SIRPG: variants seen among roughly 807,000 people sequenced by gnomAD.
SIRPG encodes signal regulatory protein gamma.
A neutral mutation model predicts 35.7 loss-of-function variants in SIRPG; 38 were observed. The ratio of observed to expected loss-of-function variants is 1.06; its 90% CI spans 0.82 to 1.40. The LOEUF (loss-of-function observed/expected upper bound fraction) is 1.40. Ranked by LOEUF, SIRPG falls within the 40% of genes most tolerant of loss-of-function variation. The pLI is 0.00. For synonymous variants in SIRPG, 215 were observed against 190.4 expected (o/e 1.13, Z -1.06); for missense variants, 519 against 483.0 (o/e 1.07, Z -0.70).
chr20:1,667,085 C>T, the SIRPG span, among the ~76,000 whole-genome samples: 5 of 152,272 alleles, frequency 3.3e-5, no homozygotes, highest in Admixed American at 6.5e-5. Context: ...TCTGTAGAGA[C>T]AGGGTCTCAC....
At chr20:1,668,169 T>G in the SIRPG span, among the ~76,000 whole-genome samples, 1 of 92,740 alleles carries the variant, frequency 1.1e-5, no homozygotes, top group Non-Finnish European at 2.3e-5. Flanking sequence ...TCTTTTCTTT[T>G]CTTTTCTTTC....
In SIRPG at chr20:1,652,052, C is replaced by G. The variant is rs150931095; in HGVS notation, c.74-2644G>C. Among the ~76,000 whole-genome samples, 4 of 152,326 alleles carry G rather than the reference C, an allele frequency of 2.6e-5. No individual in the cohort carries two copies. The East Asian group carries it at 7.7e-4, about 29-fold the overall frequency. On this transcript the variant is annotated intron_variant, in intron 1 of 5. Coordinates refer to ENST00000303415, the MANE Select transcript of SIRPG (RefSeq NM_018556.4). Reference sequence around the variant, plus strand: ...TTTCAAACAAACAAAAATACCTCTTCTCTCTAGAGACTTTGGCAATGATTT... The same window carrying G: ...TTTCAAACAAACAAAAATACCTCTTGTCTCTAGAGACTTTGGCAATGATTT...
chr20:1,676,052 G>C, the SIRPG span, among the ~76,000 whole-genome samples: 18 of 152,266 alleles, frequency 1.2e-4, no homozygotes, highest in African/African-American at 4.1e-4. Context: ...ACTTCACTAG[G>C]AAGTAGCAGA....
chr20:1,664,782 C>G, the SIRPG span, among the ~76,000 whole-genome samples: 2 of 152,200 alleles, frequency 1.3e-5, no homozygotes, highest in African/African-American at 4.8e-5. Context: ...ACAGGCAGCT[C>G]TGAGATAGGA....
the SIRPG span, among the ~76,000 whole-genome samples, chr20:1,682,534 A>G: frequency 6.6e-6 from 1 of 152,250 alleles, no homozygotes; most frequent in Non-Finnish European, 1.5e-5. Context: ...TAAATGCCAT[A>G]TGGGACAACT....
upstream of SIRPG, among the ~76,000 whole-genome samples, chr20:1,657,999 A>G (rs2091985360): frequency 6.6e-6 from 1 of 152,126 alleles, no homozygotes; most frequent in African/African-American, 2.4e-5. Context: ...TCGTGTCCCC[A>G]AACCCATTTT....
Position 1,635,349 on chromosome 20 carries a change from A to C in SIRPG, c.999T>G (p.His333Gln), listed in dbSNP as rs972382882. 6.2e-7 allele frequency: 1 copy of C among 1,614,186 alleles called. No homozygotes were observed. Among genetic ancestry groups the C allele is most frequent in the Non-Finnish European group, 8.5e-7 (1 of 1,180,026 alleles). The change falls in exon 4 of 6, where the codon CAT (histidine) becomes CAG (glutamine). Residue 333 changes from histidine (H) to glutamine (Q), a missense_variant. By Grantham distance (24) the His-to-Gln change is conservative. Transcript: ENST00000303415. ...DDVVLTCQVK[H>Q]DGQLAVSKRL... The stretch of plus-strand genomic sequence containing the variant: ...GTTTGCTGACCGCCAGCTGCCCATC[A>C]TGCTTCACCTGGCAGGTGAGGACCA...
At chr20:1,671,073 A>AT in the SIRPG span, 1 of 426,788 alleles carries the variant, frequency 2.3e-6, no homozygotes, top group East Asian at 7.3e-5. Flanking sequence ...GCTCATTCCT[A>AT]TTTTTGGACC....
chr20:1,649,202 G>T lies in SIRPG; in HGVS notation c.280C>A (p.Leu94Ile). ...HFPRVTTVSD[L>I]TKRNNMDFSI... ...AAGTCCATGTTGTTTCTCTTTGTGA[G>T]GTCTGAAACTGTTGTTACCCTGGGG... Residue 94 changes from leucine to isoleucine, a missense_variant, in exon 2 of 6, where the codon CTC becomes ATC. Leu to Ile is a conservative substitution (Grantham distance 5, BLOSUM62 2). Coordinates refer to ENST00000303415, the MANE Select transcript of SIRPG (RefSeq NM_018556.4). 6.2e-7 allele frequency: 1 copy of T among 1,614,068 alleles called. No homozygotes were observed. Among genetic ancestry groups the T allele is most frequent in the South Asian group, 1.1e-5 (1 of 91,078 alleles).
chr20:1,665,102 T>G, the SIRPG span, among the ~76,000 whole-genome samples: 2 of 152,138 alleles, frequency 1.3e-5, no homozygotes, highest in Non-Finnish European at 2.9e-5. Flanking sequence ...ACCCACACAC[T>G]TCCTGGGGCT....
intron 2 of SIRPG, among the ~76,000 whole-genome samples, chr20:1,638,887 T>C (rs1348241110): frequency 6.6e-6 from 1 of 151,522 alleles, no homozygotes; most frequent in Non-Finnish European, 1.5e-5. Flanking sequence ...TTTCTGTCCC[T>C]GTGTTAGTTT....
rs1270076826 is a variant in SIRPG at position 1,629,633 on chromosome 20, G to A, written c.*6C>T. 6.6e-6 allele frequency: 1 copy of A among 152,408 alleles called. No homozygotes were observed. Among genetic ancestry groups the A allele is most frequent in the Non-Finnish European group, 1.5e-5 (1 of 68,264 alleles). 9.4% of individuals were successfully genotyped at this position (152,408 alleles called of 1,614,324 possible). ...TCCCACGTGGCAGGGGAGGAAGGAA[G>A]GAGCTGTAGGAAAACACATCCACAC... On this transcript the variant is annotated 3_prime_UTR_variant, in exon 6 of 6. Transcript: ENST00000303415.
chr20:1,685,162 C>T, the SIRPG span, among the ~76,000 whole-genome samples: 1 of 151,990 alleles, frequency 6.6e-6, no homozygotes. Context: ...CCAGGCTGCA[C>T]CAGGAAAGGT....
At chr20:1,684,482 G>A in the SIRPG span, among the ~76,000 whole-genome samples, 1 of 152,102 alleles carries the variant, frequency 6.6e-6, no homozygotes. Context: ...ATATAAAGAT[G>A]TTTTGTGCAT....
At chr20:1,674,151 C>G in the SIRPG span, among the ~76,000 whole-genome samples, 6 of 152,144 alleles carry the variant, frequency 3.9e-5, no homozygotes, top group African/African-American at 1.4e-4. Flanking sequence ...CTTTGCATGC[C>G]CAGGCTCATG....
At chr20:1,660,322 G>A (rs2091992786), upstream of SIRPG, among the ~76,000 whole-genome samples, 1 of 152,112 alleles carries the variant, frequency 6.6e-6, no homozygotes, top group Admixed American at 6.5e-5. Flanking sequence ...AATTTCCTGT[G>A]GTACAGCACA....
the SIRPG span, among the ~76,000 whole-genome samples, chr20:1,667,712 C>G: frequency 6.6e-6 from 1 of 152,162 alleles, no homozygotes; most frequent in African/African-American, 2.4e-5. Flanking sequence ...TGCACCTGAG[C>G]AGTGGCTGTA....
intron 1 of SIRPG, among the ~76,000 whole-genome samples, chr20:1,654,298 A>T (rs1160684570): frequency 6.6e-6 from 1 of 152,100 alleles, no homozygotes; most frequent in African/African-American, 2.4e-5. Flanking sequence ...AACATTGACT[A>T]CAGTGTCAAA....
At chr20:1,662,033 T>C (rs1600232535), upstream of SIRPG, among the ~76,000 whole-genome samples, 1 of 152,182 alleles carries the variant, frequency 6.6e-6, no homozygotes, top group Admixed American at 6.5e-5. Context: ...CCCAGTCCCC[T>C]GCACAACCCC....
Sources: gnomAD v4.1 joint callset for allele counts (sites outside exome capture counted in the v4.1 genomes callset) on GRCh38, gnomAD v4.1.1 for gene constraint, MANE v1.5 for transcripts, NCBI Gene and HGNC (gene_info 2026-07-23, HGNC 2026-07-21) for gene names.